Variants in MC2R observed in about 807,000 individuals in gnomAD.
The protein encoded by MC2R is melanocortin 2 receptor, also known as adrenocorticotropic hormone receptor.
MC2R carries 9 observed loss-of-function variants against 9.8 expected under a neutral mutation model. The ratio of observed to expected loss-of-function variants is 0.92; its 90% CI spans 0.55 to 1.60. The LOEUF is 1.60. Among genes scored for constraint, MC2R ranks in the 40% most tolerant of loss-of-function variants. The probability of loss-of-function intolerance (pLI) is 0.00; values close to 1 mark genes in which losing one functional copy is unlikely to be tolerated. For synonymous variants in MC2R, 185 were observed against 154.7 expected, an observed-to-expected ratio of 1.20 and a Z score of -1.45; for missense variants, 370 against 389.0, an observed-to-expected ratio of 0.95 and a Z score of 0.41.
chr18:13,905,911 C>G (rs1367411480), intron 1 of MC2R, among the ~76,000 whole-genome samples: 1 of 152,066 alleles, frequency 6.6e-6, no homozygotes, highest in East Asian at 1.9e-4. Context: ...CAAAAATTAG[C>G]TGGGCATGAT....
Position 13,884,970 on chromosome 18 carries a change from C to G in MC2R, c.549G>C (p.Pro183=), listed in dbSNP as rs200075322. 1 of 1,613,918 alleles carries G rather than the reference C, an allele frequency of 6.2e-7. No homozygotes were observed. Among genetic ancestry groups the G allele is most frequent in the South Asian group, 1.1e-5 (1 of 91,072 alleles). The part of the protein sequence containing the change: ...PTVITFTSLF[P]LMLVFILCLY... ...GGCACAGGATGAAGACCAGCATCAG[C>G]GGGAACAGCGACGTGAAGGTGATCA... Residue 183 remains proline (P), a synonymous_variant, in exon 2 of 2, where the codon CCG becomes CCC. Coordinates refer to ENST00000327606, the MANE Select transcript of MC2R (RefSeq NM_000529.2).
At chr18:13,911,691 G>T (rs2045445577) in intron 1 of MC2R, among the ~76,000 whole-genome samples, 1 of 152,152 alleles carries the variant, frequency 6.6e-6, no homozygotes, top group African/African-American at 2.4e-5. Context: ...CTATGACAGG[G>T]TCTCCATCCT....
At chr18:13,899,714 T>C (rs2045367511) in intron 1 of MC2R, among the ~76,000 whole-genome samples, 1 of 152,124 alleles carries the variant, frequency 6.6e-6, no homozygotes, top group South Asian at 2.1e-4. Flanking sequence ...ATATTTAAAG[T>C]GCTGAAGGGA....
intron 1 of MC2R, among the ~76,000 whole-genome samples, chr18:13,897,250 T>C (rs2045351274): frequency 6.6e-6 from 1 of 152,102 alleles, no homozygotes; most frequent in Non-Finnish European, 1.5e-5. Flanking sequence ...CTCAGTGGTG[T>C]CTTATTAGAA....
In MC2R at chr18:13,882,836, T is replaced by G. The variant is rs548932948; in HGVS notation, c.*1789A>C. ...GCTTTAGATTTCATGAAAAATTAAC[T>G]TATATATATCTCATATATTAATTAA... On this transcript the variant is annotated 3_prime_UTR_variant, in exon 2 of 2. Transcript: ENST00000327606. The G allele has an allele frequency of 2.0e-5, 3 of 152,300 alleles. No homozygotes were observed. The East Asian group carries it at 5.8e-4, about 29-fold the overall frequency. 9.4% of individuals were successfully genotyped at this position (152,300 alleles called of 1,614,324 possible).
chr18:13,911,569 C>T (rs1284368523), intron 1 of MC2R, among the ~76,000 whole-genome samples: 1 of 152,104 alleles, frequency 6.6e-6, no homozygotes, highest in East Asian at 1.9e-4. Context: ...CCTATTCGCC[C>T]CACCTTTAAA....
intron 1 of MC2R, among the ~76,000 whole-genome samples, chr18:13,897,606 C>G (rs748475190): frequency 3.9e-5 from 6 of 152,004 alleles, no homozygotes; most frequent in Non-Finnish European, 4.4e-5. Context: ...CAAAAGACAC[C>G]CCTTCCTTCT....
chr18:13,899,765 C>T (rs1317309196), intron 1 of MC2R, among the ~76,000 whole-genome samples: 1 of 152,092 alleles, frequency 6.6e-6, no homozygotes, highest in Non-Finnish European at 1.5e-5. Flanking sequence ...TGAATATACC[C>T]TTCAAACATG....
At position 13,884,507 on chromosome 18, in the gene MC2R, C is replaced by G. The variant is rs35163471; in HGVS notation, c.*118G>C. 3 of 1,133,346 alleles carry G rather than the reference C, an allele frequency of 2.6e-6. No homozygotes were observed. The East Asian group carries it at 7.0e-5, about 27-fold the overall frequency. The allele number at this position is 1,133,346 out of a possible 1,614,324, so 70.2% of individuals were successfully genotyped here. A position where few individuals can be genotyped will look rare whatever the true frequency, so the allele number is the denominator to read the frequency against. On this transcript the variant is annotated 3_prime_UTR_variant, in exon 2 of 2. Coordinates refer to ENST00000327606, the MANE Select transcript of MC2R (RefSeq NM_000529.2). ...AGAAACACTAGCTGGTGGGATCATC[C>G]TTGCATCCATTAGGGAAGGAAGGCC...
At position 13,884,843 on chromosome 18, in the gene MC2R, C is replaced by T. The variant is rs761911005; in HGVS notation, c.676G>A (p.Gly226Arg). ...GGGGCCCAGCAGAAGATGAAGACCC[C>T]GAGCAGGATGGTCAGTGTGATGGCC... Reference protein sequence around the residue: ...KGAITLTILLGVFIFCWAPFV... With the variant: ...KGAITLTILLRVFIFCWAPFV... Residue 226 changes from glycine to arginine, a missense_variant, in exon 2 of 2, where the codon GGG (glycine) becomes AGG (arginine). Coordinates refer to ENST00000327606, the MANE Select transcript of MC2R (RefSeq NM_000529.2). The T allele has an allele frequency of 6.8e-6, 11 of 1,613,844 alleles. No homozygotes were observed. The highest frequency in any genetic ancestry group is 1.7e-5 in the Admixed American group (1 of 59,984).
intron 1 of MC2R, among the ~76,000 whole-genome samples, chr18:13,894,625 T>C (rs571505397): frequency 6.6e-6 from 1 of 152,340 alleles, no homozygotes; most frequent in South Asian, 2.1e-4. Flanking sequence ...AAAATTCTAT[T>C]AAAATAAAAC....
Position 13,891,018 on chromosome 18 carries a change from T to C in MC2R, c.-128-5372A>G, listed in dbSNP as rs143752352. 2.6e-3 allele frequency among the ~76,000 whole-genome samples: 389 copies of C among 152,240 alleles called. 1 individual carries two copies. Among genetic ancestry groups the C allele is most frequent in the African/African-American group, 9.1e-3 (376 of 41,538 alleles). The stretch of plus-strand genomic sequence containing the variant: ...AGACTGCAGCACAGTTCTGAGAACA[T>C]TTCATCTGGCCATGGGGAGGCTTCA... On this transcript the variant is annotated intron_variant, in intron 1 of 1. Coordinates refer to ENST00000327606, the MANE Select transcript of MC2R (RefSeq NM_000529.2).
chr18:13,895,129 C>G (rs547753284), intron 1 of MC2R, among the ~76,000 whole-genome samples: 1 of 152,318 alleles, frequency 6.6e-6, no homozygotes, highest in East Asian at 1.9e-4. Flanking sequence ...ATGTGACAAT[C>G]AGCAACTTGA....
intron 1 of MC2R, among the ~76,000 whole-genome samples, chr18:13,887,804 G>A (rs779659886): frequency 2.0e-5 from 3 of 152,108 alleles, no homozygotes; most frequent in Non-Finnish European, 2.9e-5. Flanking sequence ...ACGTCTGCTG[G>A]CTTTCAGACC....
intron 1 of MC2R, among the ~76,000 whole-genome samples, chr18:13,895,549 G>C (rs1306438018): frequency 6.6e-6 from 1 of 152,144 alleles, no homozygotes; most frequent in Non-Finnish European, 1.5e-5. Context: ...GAAGGGGCAG[G>C]CAAGGACCCT....
intron 1 of MC2R, among the ~76,000 whole-genome samples, chr18:13,906,854 A>G (rs576892668): frequency 7.5e-4 from 114 of 152,320 alleles, no homozygotes; most frequent in African/African-American, 2.5e-3. Context: ...ACTATAAAAC[A>G]CTGATGAAAG....
chr18:13,914,916 G>C (rs1402371955), intron 1 of MC2R, among the ~76,000 whole-genome samples: 2 of 152,222 alleles, frequency 1.3e-5, no homozygotes, highest in Non-Finnish European at 2.9e-5. Context: ...TGCACCCCGT[G>C]TTGCTGCCTA....
Position 13,884,846 on chromosome 18 carries a change from G to A in MC2R, c.673C>T (p.Leu225Phe). The A allele has an allele frequency of 6.2e-7, 1 of 1,614,060 alleles. No individual in the cohort carries two copies. Among genetic ancestry groups the A allele is most frequent in the African/African-American group, 1.3e-5 (1 of 75,020 alleles). Residue 225 changes from leucine to phenylalanine, a missense_variant, in exon 2 of 2, where the codon CTC (leucine) becomes TTC (phenylalanine). Coordinates refer to ENST00000327606, the MANE Select transcript of MC2R (RefSeq NM_000529.2). Reference protein sequence around the residue: ...MKGAITLTILLGVFIFCWAPF... With the variant: ...MKGAITLTILFGVFIFCWAPF... ...GCCCAGCAGAAGATGAAGACCCCGAGCAGGATGGTCAGTGTGATGGCCCCT... is the reference window on the plus strand; with the variant it reads ...GCCCAGCAGAAGATGAAGACCCCGAACAGGATGGTCAGTGTGATGGCCCCT...
chr18:13,882,981 A>G lies in MC2R; in HGVS notation c.*1644T>C, dbSNP rs2045242483. ...TTCACCTCCATCTGTGGGACAGGCC[A>G]TGTGAAAGCACGCCTGCCACTGTCC... On this transcript the variant is annotated 3_prime_UTR_variant, in exon 2 of 2. Transcript: ENST00000327606. 6.6e-6 allele frequency: 1 copy of G among 152,222 alleles called. No homozygotes were observed. Among genetic ancestry groups the G allele is most frequent in the Non-Finnish European group, 1.5e-5 (1 of 68,054 alleles). The allele number at this position is 152,222 out of a possible 1,614,324, so 9.4% of individuals were successfully genotyped here.
Sources: allele counts gnomAD v4.1 joint callset (sites outside exome capture counted in the v4.1 genomes callset), GRCh38; gene constraint gnomAD v4.1.1; transcripts MANE v1.5; gene names NCBI Gene and HGNC (gene_info 2026-07-23, HGNC 2026-07-21).